Variants in CUX1 observed in about 807,000 individuals in gnomAD.
CUX1 encodes protein CASP.
In CUX1, 31 loss-of-function variants were observed where a neutral mutation model predicts 158.8. That is an observed-to-expected ratio of 0.20 (90% CI 0.15 to 0.26). The LOEUF (loss-of-function observed/expected upper bound fraction) is 0.26, where lower values mean the gene tolerates loss of function less well. Ranked by LOEUF, CUX1 falls within the 10% of genes least tolerant of loss-of-function variation. The pLI is 1.00. For missense variants in CUX1, 1,589 were observed against 2,014.6 expected (o/e 0.79, Z 4.04); for synonymous variants, 879 against 862.1 (o/e 1.02, Z -0.34).
chr7:101,967,921 T>C (rs909060491), intron 2 of CUX1, among the ~76,000 whole-genome samples: 9 of 152,156 alleles, frequency 5.9e-5, no homozygotes, highest in African/African-American at 1.7e-4. Context: ...TTTGTTTTTT[T>C]GAGACAGGGT....
intron 4 of CUX1, among the ~76,000 whole-genome samples, chr7:102,093,618 G>A (rs916451848): frequency 3.3e-5 from 5 of 152,180 alleles, no homozygotes; most frequent in African/African-American, 4.8e-5. Context: ...GCCTCTGACT[G>A]TAATGGCTGG....
intron 2 of CUX1, among the ~76,000 whole-genome samples, chr7:101,977,451 G>C (rs1382813208): frequency 6.6e-6 from 1 of 152,106 alleles, no homozygotes; most frequent in African/African-American, 2.4e-5. Flanking sequence ...CCCCAGCCTG[G>C]ACAGTGTAGC....
chr7:102,148,499 C>T (rs1187717022), intron 8 of CUX1, among the ~76,000 whole-genome samples: 1 of 151,870 alleles, frequency 6.6e-6, no homozygotes, highest in Non-Finnish European at 1.5e-5. Context: ...GCTGAGATTG[C>T]ACCAGTGCAC....
intron 2 of CUX1, among the ~76,000 whole-genome samples, chr7:101,981,527 G>T (rs1237851940): frequency 1.3e-5 from 2 of 152,156 alleles, no homozygotes; most frequent in African/African-American, 4.8e-5. Flanking sequence ...CTCTTTTACA[G>T]ATAATGTGCT....
At chr7:101,863,474 C>G (rs868728380) in intron 1 of CUX1, among the ~76,000 whole-genome samples, 72 of 152,006 alleles carry the variant, frequency 4.7e-4, no homozygotes, top group African/African-American at 1.6e-3. Flanking sequence ...CCTCAGCCTC[C>G]CGAGTAGCTG....
chr7:101,827,020 T>G (rs1343864115), intron 1 of CUX1, among the ~76,000 whole-genome samples: 3 of 152,206 alleles, frequency 2.0e-5, no homozygotes, highest in Non-Finnish European at 2.9e-5. Flanking sequence ...ATGGAATAGA[T>G]GTTTCTTTTT....
chr7:101,861,961 C>T (rs139347247), intron 1 of CUX1, among the ~76,000 whole-genome samples: 1 of 151,934 alleles, frequency 6.6e-6, no homozygotes, highest in African/African-American at 2.4e-5. Flanking sequence ...CAGCCTCCCA[C>T]GTAGCTGGGA....
chr7:102,092,183 A>G (rs1828647438), intron 4 of CUX1, among the ~76,000 whole-genome samples: 1 of 151,516 alleles, frequency 6.6e-6, no homozygotes, highest in Non-Finnish European at 1.5e-5. Context: ...TCCTCCTTGC[A>G]CTCCTATTTT....
chr7:101,853,325 T>C (rs554151639), intron 1 of CUX1, among the ~76,000 whole-genome samples: 1 of 151,386 alleles, frequency 6.6e-6, no homozygotes, highest in Non-Finnish European at 1.5e-5. Context: ...TATTCTGCAA[T>C]AGACTTGCAG....
intron 2 of CUX1, among the ~76,000 whole-genome samples, chr7:101,953,196 T>G (rs1809320339): frequency 6.6e-6 from 1 of 152,198 alleles, no homozygotes; most frequent in Non-Finnish European, 1.5e-5. Context: ...GACTCACTGA[T>G]TGATTAATGT....
intron 11 of CUX1, among the ~76,000 whole-genome samples, chr7:102,181,903 G>A (rs782630070): frequency 1.3e-5 from 2 of 152,192 alleles, no homozygotes; most frequent in Non-Finnish European, 2.9e-5. Flanking sequence ...CAATTATTAG[G>A]AAAATATTTT....
At chr7:102,055,981 G>A (rs1208667448) in intron 3 of CUX1, among the ~76,000 whole-genome samples, 1 of 152,190 alleles carries the variant, frequency 6.6e-6, no homozygotes, top group Non-Finnish European at 1.5e-5. Flanking sequence ...ATTCTCTTAA[G>A]CCAAAGTCTA....
intron 2 of CUX1, among the ~76,000 whole-genome samples, chr7:101,975,559 A>G (rs1308927097): frequency 6.6e-6 from 1 of 152,040 alleles, no homozygotes; most frequent in Non-Finnish European, 1.5e-5. Context: ...CCGTCTCTAA[A>G]AGAAAAAAGA....
At chr7:102,185,613 T>G (rs1380316777) in intron 11 of CUX1, among the ~76,000 whole-genome samples, 1 of 151,894 alleles carries the variant, frequency 6.6e-6, no homozygotes, top group Non-Finnish European at 1.5e-5. Context: ...TTTTGTTTTT[T>G]TTTTTTGGTA....
At chr7:101,978,898 G>A (rs1813064838) in intron 2 of CUX1, among the ~76,000 whole-genome samples, 2 of 152,160 alleles carry the variant, frequency 1.3e-5, no homozygotes, top group African/African-American at 2.4e-5. Context: ...GCCACTTCAC[G>A]GCGTACGTCC....
Position 102,118,964 on chromosome 7 carries a change from A to C in CUX1, c.674+3691A>C, listed in dbSNP as rs1335889347. Among the ~76,000 whole-genome samples the C allele has an allele frequency of 6.6e-5, 10 of 152,022 alleles. No individual in the cohort carries two copies. In the South Asian group the frequency reaches 1.5e-3, roughly 22 times the overall value. On this transcript the variant is annotated intron_variant, in intron 8 of 23. Coordinates refer to ENST00000292535, the MANE Select transcript of CUX1 (RefSeq NM_181552.4). ...ACGGGGTTTCACCATGTTAGCCAGG[A>C]TGGTCTTGATCTCCTGACCTCATGA...
intron 2 of CUX1, among the ~76,000 whole-genome samples, chr7:101,922,450 A>C (rs2129098317): frequency 6.6e-6 from 1 of 152,270 alleles, no homozygotes; most frequent in South Asian, 2.1e-4. Context: ...TTAACCTTTA[A>C]AATATCCATG....
chr7:102,141,024 TC>T (rs1585873468), intron 8 of CUX1, among the ~76,000 whole-genome samples: 1 of 152,248 alleles, frequency 6.6e-6, no homozygotes, highest in East Asian at 1.9e-4. Flanking sequence ...TGGAGGGCGT[TC>T]TTAAAGATTC....
chr7:102,282,856 C>T (rs1792197821), intron 22 of CUX1: 1 of 1,076,274 alleles, frequency 9.3e-7, no homozygotes, highest in Non-Finnish European at 1.3e-6. Context: ...GTTCCTGCCT[C>T]ATGTCCCCCA....
Sources: allele counts gnomAD v4.1 joint callset (sites outside exome capture counted in the v4.1 genomes callset), GRCh38; gene constraint gnomAD v4.1.1; transcripts MANE v1.5; gene names NCBI Gene and HGNC (gene_info 2026-07-23, HGNC 2026-07-21).